Variants in GPC6 observed in about 807,000 individuals in gnomAD.
GPC6 encodes glypican 6, also known as glypican-6.
A neutral mutation model predicts 55.2 loss-of-function variants in GPC6; 14 were observed. The ratio of observed to expected loss-of-function variants is 0.25; its 90% CI spans 0.17 to 0.40. GPC6 has a LOEUF of 0.40. Among genes scored for constraint, GPC6 ranks in the 10% least tolerant of loss-of-function variants. The pLI, the probability that GPC6 is intolerant of heterozygous loss-of-function variation, is 1.00. For missense variants in GPC6, 641 were observed against 708.5 expected, an observed-to-expected ratio of 0.90 and a Z score of 1.08; for synonymous variants, 278 against 259.6, an observed-to-expected ratio of 1.07 and a Z score of -0.68.
chr13:93,594,508 T>C (rs1306848908), intron 2 of GPC6, among the ~76,000 whole-genome samples: 6 of 152,120 alleles, frequency 3.9e-5, no homozygotes, highest in African/African-American at 9.7e-5. Flanking sequence ...TTCCCACTTA[T>C]TCATTCAAGA....
At chr13:93,399,774 C>G (rs1876002162) in intron 1 of GPC6, among the ~76,000 whole-genome samples, 1 of 152,216 alleles carries the variant, frequency 6.6e-6, no homozygotes, top group Non-Finnish European at 1.5e-5. Context: ...CACATGGCCT[C>G]CTGCCCACAC....
intron 1 of GPC6, among the ~76,000 whole-genome samples, chr13:93,244,150 C>T (rs1876525309): frequency 6.6e-6 from 1 of 152,132 alleles, no homozygotes; most frequent in Non-Finnish European, 1.5e-5. Context: ...AATGGAACCA[C>T]TTTCGCTGCA....
rs184928941 is a variant in GPC6, at chr13:93,931,534, C to T, written c.712-96195C>T. Among the ~76,000 whole-genome samples the T allele has an allele frequency of 5.9e-4, 89 of 151,708 alleles. No individual in the cohort carries two copies. In the East Asian group the frequency reaches 0.016, roughly 28 times the overall value. ...ATCCCAGCACTTTGGGAGGCCAAGGCGGGTGTATCACCTGAGGTCAGGAGT... is the reference window on the plus strand; with the variant it reads ...ATCCCAGCACTTTGGGAGGCCAAGGTGGGTGTATCACCTGAGGTCAGGAGT... On this transcript the variant is annotated intron_variant, in intron 3 of 8. Coordinates refer to ENST00000377047, the MANE Select transcript of GPC6 (RefSeq NM_005708.5).
At chr13:93,598,691 A>G (rs1278484349) in intron 2 of GPC6, among the ~76,000 whole-genome samples, 2 of 152,236 alleles carry the variant, frequency 1.3e-5, no homozygotes, top group African/African-American at 2.4e-5. Flanking sequence ...AGCTTTCAGC[A>G]GCAGAGCTAA....
At chr13:93,714,792 G>A (rs1223010175) in intron 2 of GPC6, among the ~76,000 whole-genome samples, 7 of 151,532 alleles carry the variant, frequency 4.6e-5, no homozygotes, top group African/African-American at 7.3e-5. Context: ...GTCTTAGGTC[G>A]GCAGTGTTAC....
chr13:94,278,186 C>A (rs941626528), intron 4 of GPC6, among the ~76,000 whole-genome samples: 12 of 152,120 alleles, frequency 7.9e-5, no homozygotes, highest in African/African-American at 2.9e-4. Flanking sequence ...GTATTTTATT[C>A]TCTTTGTAGC....
At chr13:94,176,223 G>A (rs919385949) in intron 4 of GPC6, among the ~76,000 whole-genome samples, 4 of 151,936 alleles carry the variant, frequency 2.6e-5, no homozygotes, top group Non-Finnish European at 4.4e-5. Flanking sequence ...CACTGAGTGG[G>A]TTGTAGCATT....
intron 5 of GPC6, among the ~76,000 whole-genome samples, chr13:94,296,739 C>G (rs9589946): frequency 0.02 from 3,028 of 152,204 alleles, 82 homozygotes; most frequent in African/African-American, 0.067. Flanking sequence ...TGTAATTACT[C>G]CCTCGTGCAT....
At chr13:94,118,905 C>T (rs970049037) in intron 4 of GPC6, among the ~76,000 whole-genome samples, 3 of 151,956 alleles carry the variant, frequency 2.0e-5, no homozygotes, top group African/African-American at 4.8e-5. Context: ...GCAGGCTCCT[C>T]GACTAAACCT....
intron 6 of GPC6, among the ~76,000 whole-genome samples, chr13:94,337,472 G>A (rs1301454773): frequency 6.6e-6 from 1 of 151,084 alleles, no homozygotes; most frequent in Non-Finnish European, 1.5e-5. Context: ...TTTTGAGGTG[G>A]AGTCTCCCTC....
At chr13:93,560,867 G>T (rs1348059350) in intron 2 of GPC6, among the ~76,000 whole-genome samples, 1 of 151,850 alleles carries the variant, frequency 6.6e-6, no homozygotes, top group Non-Finnish European at 1.5e-5. Context: ...AGAAAAATCA[G>T]CTGTTTGTCT....
intron 1 of GPC6, among the ~76,000 whole-genome samples, chr13:93,261,081 C>G (rs1877129548): frequency 6.6e-6 from 1 of 151,986 alleles, no homozygotes; most frequent in Non-Finnish European, 1.5e-5. Flanking sequence ...TCCTCTAGAC[C>G]CAAGGACCTA....
At chr13:93,525,239 A>G (rs899927565) in intron 1 of GPC6, among the ~76,000 whole-genome samples, 1 of 152,128 alleles carries the variant, frequency 6.6e-6, no homozygotes, top group African/African-American at 2.4e-5. Context: ...TGCAAATTAC[A>G]GCCATTTGCA....
chr13:93,610,170 G>A (rs754999425), intron 2 of GPC6, among the ~76,000 whole-genome samples: 6 of 152,108 alleles, frequency 3.9e-5, no homozygotes, highest in Non-Finnish European at 8.8e-5. Context: ...TTTACACTCT[G>A]TTGTAGATTT....
intron 2 of GPC6, among the ~76,000 whole-genome samples, chr13:93,591,472 A>G (rs558019102): frequency 2.0e-5 from 3 of 151,400 alleles, no homozygotes; most frequent in Non-Finnish European, 3.0e-5. Context: ...TCAAAGGAAA[A>G]AAAAAAAAAA....
At chr13:93,322,831 C>A (rs1796144721) in intron 1 of GPC6, among the ~76,000 whole-genome samples, 2 of 151,966 alleles carry the variant, frequency 1.3e-5, no homozygotes, top group South Asian at 2.1e-4. Flanking sequence ...GGTATATGTG[C>A]AGAACGTGCA....
intron 3 of GPC6, among the ~76,000 whole-genome samples, chr13:93,839,779 G>A (rs570984981): frequency 3.9e-5 from 6 of 152,202 alleles, no homozygotes; most frequent in Admixed American, 2.6e-4. Context: ...CCAAGATCTT[G>A]CATATGTTAA....
intron 4 of GPC6, among the ~76,000 whole-genome samples, chr13:94,241,007 A>C (rs1359127501): frequency 2.0e-5 from 3 of 152,180 alleles, no homozygotes; most frequent in Non-Finnish European, 4.4e-5. Flanking sequence ...TGTCCCCAAA[A>C]TTCATACTAA....
At chr13:94,151,666 A>AGG (rs1240333303) in intron 4 of GPC6, among the ~76,000 whole-genome samples, 1 of 152,200 alleles carries the variant, frequency 6.6e-6, no homozygotes, top group Non-Finnish European at 1.5e-5. Context: ...GATGGCAGAG[A>AGG]GATGTCTTTA....
Sources: gnomAD v4.1 joint callset for allele counts (sites outside exome capture counted in the v4.1 genomes callset) on GRCh38, gnomAD v4.1.1 for gene constraint, MANE v1.5 for transcripts, NCBI Gene and HGNC (gene_info 2026-07-23, HGNC 2026-07-21) for gene names.